The following USH1C variants were observed in gnomAD, a reference collection of about 807,000 sequenced individuals.
The protein encoded by USH1C is USH1 protein network component harmonin.
In USH1C, 90 loss-of-function variants were observed where a neutral mutation model predicts 119.3. That is an observed-to-expected ratio of 0.75 (90% CI 0.64 to 0.90). The LOEUF is 0.90. Among genes scored for constraint, USH1C ranks in the 40% least tolerant of loss-of-function variants. The pLI is 0.00. For missense variants in USH1C, 1,165 were observed against 1,167.7 expected, an observed-to-expected ratio of 1.00 and a Z score of 0.03; for synonymous variants, 465 against 443.3, an observed-to-expected ratio of 1.05 and a Z score of -0.62.
chr11:17,533,537 GC>G (rs1010090458), intron 1 of USH1C: 5 of 639,904 alleles, frequency 7.8e-6, no homozygotes, highest in Non-Finnish European at 1.4e-5. Context: ...GAGTACCGCT[GC>G]CCCTCCAGAT....
intron 1 of USH1C, among the ~76,000 whole-genome samples, chr11:17,537,621 C>T (rs530147764): frequency 2.0e-5 from 3 of 152,276 alleles, no homozygotes; most frequent in South Asian, 2.1e-4. Flanking sequence ...TAGGTCCCAG[C>T]GACTCCATCT....
Position 17,527,238 on chromosome 11 carries a change from A to G in USH1C, c.481T>C (p.Ser161Pro), listed in dbSNP as rs1260933169. 1.3e-6 allele frequency: 2 copies of G among 1,593,566 alleles called. No homozygotes were observed. Among genetic ancestry groups the G allele is most frequent in the Admixed American group, 3.5e-5 (2 of 57,440 alleles). ...INLIRTKKTV[S>P]IKVRHIGLIP... ...CCTCACTCACGTCTCACTTTGATGG[A>G]CACAGTTTTCTTGGTTCGAATGAGG... is the stretch of plus-strand genomic sequence containing the variant. The change falls in exon 5 of 27, where the codon TCC (serine) becomes CCC (proline). Residue 161 changes from serine (S) to proline (P), a missense_variant. Physicochemically the swap from Ser to Pro is moderately conservative, Grantham distance 74. Coordinates refer to ENST00000005226, the MANE Select transcript of USH1C (RefSeq NM_153676.4).
In USH1C at chr11:17,504,758, C is replaced by T. The variant is rs1210187629; in HGVS notation, c.2134-61G>A. On this transcript the variant is annotated intron_variant, in intron 19 of 26. Coordinates refer to ENST00000005226, the MANE Select transcript of USH1C (RefSeq NM_153676.4). ...TGTTACCAATAGGTCTTGGCTGCCCCCTGGTGCCAGGCTTCGGGCCTGCCA... is the reference window on the plus strand; with the variant it reads ...TGTTACCAATAGGTCTTGGCTGCCCTCTGGTGCCAGGCTTCGGGCCTGCCA... The T allele has an allele frequency of 3.8e-6, 6 of 1,578,860 alleles. No homozygotes were observed. The East Asian group carries it at 1.1e-4, about 29-fold the overall frequency.
intron 22 of USH1C, 42 bp from the exon 23 acceptor site, chr11:17,501,192 C>T (rs1219225121): frequency 1.3e-6 from 2 of 1,515,022 alleles, no homozygotes; most frequent in Non-Finnish European, 1.8e-6. Flanking sequence ...AAGCAGACAG[C>T]AGCCTGTGGA....
At chr11:17,536,767 C>G (rs146916301) in intron 1 of USH1C, among the ~76,000 whole-genome samples, 1 of 152,234 alleles carries the variant, frequency 6.6e-6, no homozygotes, top group Non-Finnish European at 1.5e-5. Context: ...CTGGAATCTC[C>G]TTGTCCTCAC....
intron 15 of USH1C, among the ~76,000 whole-genome samples, chr11:17,513,901 T>C (rs191839368): frequency 6.6e-4 from 100 of 152,344 alleles, no homozygotes; most frequent in African/African-American, 2.2e-3. Context: ...GTAGACAGTT[T>C]CTGTCTCATG....
At chr11:17,494,865 C>T (rs958243241) in intron 26 of USH1C, 6 of 253,206 alleles carry the variant, frequency 2.4e-5, no homozygotes, top group Admixed American at 5.0e-5. Flanking sequence ...GGGCACATCC[C>T]TATCACAGGG....
At chr11:17,514,341 C>T (rs1850038704) in intron 15 of USH1C, 1 of 152,268 alleles carries the variant, frequency 6.6e-6, no homozygotes, top group African/African-American at 2.4e-5. Flanking sequence ...GCCTCAGCCT[C>T]CCAAGTAGCT....
chr11:17,521,087 G>T, intron 13 of USH1C, 93 bp from the exon 14 acceptor site: 1 of 1,552,188 alleles, frequency 6.4e-7, no homozygotes. Flanking sequence ...CTGGGGAGAA[G>T]CCTCATGGTT....
chr11:17,514,191 G>T (rs1272877308), intron 15 of USH1C, among the ~76,000 whole-genome samples: 1 of 152,160 alleles, frequency 6.6e-6, no homozygotes, highest in Non-Finnish European at 1.5e-5. Context: ...CTGCCAAGGT[G>T]GAAATAGAAG....
intron 18 of USH1C, 31 bp downstream of exon 18, chr11:17,509,325 C>T: frequency 6.5e-7 from 1 of 1,540,962 alleles, no homozygotes; most frequent in Non-Finnish European, 8.8e-7. Flanking sequence ...CTTCCTACTT[C>T]CAAACATAGC....
At chr11:17,512,521 C>A (rs1426908609) in intron 15 of USH1C, among the ~76,000 whole-genome samples, 1 of 152,210 alleles carries the variant, frequency 6.6e-6, no homozygotes, top group African/African-American at 2.4e-5. Flanking sequence ...CTGGCACATG[C>A]CTTCTGCATC....
chr11:17,531,921 C>T lies in USH1C; in HGVS notation c.105-379G>A, dbSNP rs1027174243. 2.0e-5 allele frequency among the ~76,000 whole-genome samples: 3 copies of T among 152,212 alleles called. No individual in the cohort carries two copies. Among genetic ancestry groups the T allele is most frequent in the Non-Finnish European group, 4.4e-5 (3 of 68,034 alleles). Reference sequence around the variant, plus strand: ...ATCTGCTGCTAAGCTCTGTCAATTTCACCTCACCACAGTTCACATGCCTCC... The same window carrying T: ...ATCTGCTGCTAAGCTCTGTCAATTTTACCTCACCACAGTTCACATGCCTCC... On this transcript the variant is annotated intron_variant, in intron 2 of 26. Transcript: ENST00000005226. This position sits in a 1 kb window ranked among gnomAD's most constrained non-coding sequence, Gnocchi z 4.2.
intron 1 of USH1C, among the ~76,000 whole-genome samples, chr11:17,536,780 A>G (rs1185087503): frequency 6.6e-6 from 1 of 152,262 alleles, no homozygotes; most frequent in Non-Finnish European, 1.5e-5. Flanking sequence ...GTCCTCACTC[A>G]GAACATTCCA....
At chr11:17,533,986 A>G (rs1485494025) in intron 1 of USH1C, 1 of 279,696 alleles carries the variant, frequency 3.6e-6, no homozygotes, top group African/African-American at 2.2e-5. Flanking sequence ...GTTGACGTCA[A>G]TGGCTGGCAC....
chr11:17,531,600 A>G lies in USH1C; in HGVS notation c.105-58T>C. On this transcript the variant is annotated intron_variant, in intron 2 of 26. Coordinates refer to ENST00000005226, the MANE Select transcript of USH1C (RefSeq NM_153676.4). This position sits in a 1 kb window ranked among gnomAD's most constrained non-coding sequence, Gnocchi z 4.2. ...CCCCTGGCCATGACCTCAGGCACCC[A>G]GGGATTCCAAGAGGAAGCCATTTCA... 1.9e-6 allele frequency: 3 copies of G among 1,600,364 alleles called. No homozygotes were observed. The highest frequency in any genetic ancestry group is 2.6e-6 in the Non-Finnish European group (3 of 1,176,352).
At chr11:17,508,902 C>T (rs570880491) in intron 18 of USH1C, among the ~76,000 whole-genome samples, 22 of 152,284 alleles carry the variant, frequency 1.4e-4, no homozygotes, top group Non-Finnish European at 1.8e-4. Context: ...GAGCCAAATA[C>T]GCCCCTGCTT....
chr11:17,504,848 T>C (rs545942732), intron 19 of USH1C, 151 bp from the exon 20 acceptor site: 7 of 719,568 alleles, frequency 9.7e-6, no homozygotes, highest in South Asian at 1.6e-5. Flanking sequence ...GCCTGCTCAA[T>C]GCCCAAAGAT....
intron 4 of USH1C, among the ~76,000 whole-genome samples, chr11:17,528,722 C>T (rs562749162): frequency 2.6e-5 from 4 of 152,296 alleles, no homozygotes; most frequent in Non-Finnish European, 1.5e-5. Context: ...TTCCAAGGAA[C>T]GCTTCCCTCC....
Sources: gnomAD v4.1 joint callset for allele counts (sites outside exome capture counted in the v4.1 genomes callset) on GRCh38, gnomAD v4.1.1 for gene constraint, Gnocchi (gnomAD v3.1) non-coding constraint, MANE v1.5 for transcripts, NCBI Gene and HGNC (gene_info 2026-07-23, HGNC 2026-07-21) for gene names.